The following PC variants were observed in gnomAD, a reference collection of about 807,000 sequenced individuals.
PC encodes the protein pyruvate carboxylase, also known as pyruvate carboxylase, mitochondrial.
PC carries 46 observed loss-of-function variants against 107.8 expected under a neutral mutation model. That is an observed-to-expected ratio of 0.43 (90% CI 0.34 to 0.55). PC has a LOEUF of 0.55. Among genes scored for constraint, PC ranks in the 20% least tolerant of loss-of-function variants. PC has a pLI of 0.04. For synonymous variants in PC, 662 were observed against 684.7 expected (o/e 0.97, Z 0.52); for missense variants, 1,241 against 1,643.1 (o/e 0.76, Z 4.23).
At chr11:66,903,067 TATAAC>T (rs1026461349) in intron 3 of PC, among the ~76,000 whole-genome samples, 1 of 152,140 alleles carries the variant, frequency 6.6e-6, no homozygotes, top group African/African-American at 2.4e-5. Context: ...TTCATCCGAA[TATAAC>T]AGTTCCTCCT....
intron 3 of PC, among the ~76,000 whole-genome samples, chr11:66,914,579 A>G (rs867363016): frequency 9.2e-5 from 14 of 152,288 alleles, no homozygotes; most frequent in African/African-American, 2.6e-4. Flanking sequence ...AGTCTGGCCC[A>G]TAGTAAATGC....
intron 3 of PC, among the ~76,000 whole-genome samples, chr11:66,912,906 G>A (rs1316447915): frequency 2.6e-5 from 4 of 152,076 alleles, no homozygotes; most frequent in South Asian, 2.1e-4. Flanking sequence ...CAATGTTAAC[G>A]AAGGGCTTCC....
At chr11:66,854,717 A>T (rs1357870834) in intron 12 of PC, among the ~76,000 whole-genome samples, 2 of 151,424 alleles carry the variant, frequency 1.3e-5, no homozygotes, top group African/African-American at 2.4e-5. Context: ...GGCCACCCAG[A>T]CTCCTCTGAG....
chr11:66,878,872 C>T (rs1029122937), intron 3 of PC, among the ~76,000 whole-genome samples: 1 of 152,206 alleles, frequency 6.6e-6, no homozygotes, highest in Non-Finnish European at 1.5e-5. Flanking sequence ...CACAGCCCAG[C>T]GCAGGCCCAC....
At chr11:66,882,957 G>A (rs1947236301) in intron 3 of PC, among the ~76,000 whole-genome samples, 1 of 152,222 alleles carries the variant, frequency 6.6e-6, no homozygotes. Flanking sequence ...TGGAAACAAT[G>A]CAGGTGACAG....
intron 3 of PC, among the ~76,000 whole-genome samples, chr11:66,919,401 GTGAGACTC>G (rs1948542115): frequency 6.6e-6 from 1 of 152,218 alleles, no homozygotes; most frequent in Non-Finnish European, 1.5e-5. Flanking sequence ...GGGCAACAGA[GTGAGACTC>G]TGTCTCAAAA....
chr11:66,918,529 A>C (rs1948517025), intron 3 of PC, among the ~76,000 whole-genome samples: 1 of 151,852 alleles, frequency 6.6e-6, no homozygotes, highest in Non-Finnish European at 1.5e-5. Flanking sequence ...CGCGCCACCA[A>C]GTCCAGCTAA....
intron 3 of PC, among the ~76,000 whole-genome samples, chr11:66,892,279 A>T (rs1440211282): frequency 6.6e-6 from 1 of 152,196 alleles, no homozygotes; most frequent in Non-Finnish European, 1.5e-5. Flanking sequence ...TCTCAGTTGT[A>T]AAACAGCCAG....
In PC at chr11:66,863,879, G is replaced by C; in HGVS notation, c.1263C>G (p.His421Gln). 6.2e-7 allele frequency: 1 copy of C among 1,614,148 alleles called. No individual in the cohort carries two copies. Among genetic ancestry groups the C allele is most frequent in the Non-Finnish European group, 8.5e-7 (1 of 1,180,040 alleles). ...SAFQGAVISP[H>Q]YDSLLVKVIA... is the part of the protein sequence containing the mutation. ...TGACTTTGACCAGCAGGGAGTCGTA[G>C]TGGGGCGAGATGACGGCTCCTTGGA... Residue 421 changes from histidine (H) to glutamine (Q), a missense_variant, in exon 12 of 23, where the codon CAC becomes CAG. By Grantham distance (24) the His-to-Gln change is conservative. This residue lies in a region of PC where 1,143 missense variants were observed against 1,551.9 expected (regional missense o/e 0.74). Transcript: ENST00000393960.
At chr11:66,919,217 A>C (rs563503379) in intron 3 of PC, among the ~76,000 whole-genome samples, 210 of 152,336 alleles carry the variant, frequency 1.4e-3, no homozygotes, top group Non-Finnish European at 2.5e-3. Flanking sequence ...GGAGTTCCAG[A>C]CCAGCCTGGC....
At position 66,872,056 on chromosome 11, in the gene PC, T is replaced by C. The variant is rs1357857777; in HGVS notation, c.104A>G (p.Lys35Arg). Residue 35 changes from lysine to arginine, a missense_variant, in exon 4 of 23, where the codon AAG becomes AGG. Physicochemically the swap from Lys to Arg is conservative, Grantham distance 26 (BLOSUM62 2). Around this residue, in one of 2 missense-constraint regions of PC, gnomAD observed 1,143 missense variants for 1,551.9 expected, o/e 0.74. Coordinates refer to ENST00000393960, the MANE Select transcript of PC (RefSeq NM_001040716.2). ...ASPNVRRLEYKPIKKVMVANR... is the reference protein window; with the variant it reads ...ASPNVRRLEYRPIKKVMVANR... ...GGCCACCATGACTTTCTTGATGGGC[T>C]TATACTCCAGGCGCCGGACATTTGG... 1.3e-6 allele frequency: 2 copies of C among 1,563,358 alleles called. No homozygotes were observed. The highest frequency in any genetic ancestry group is 2.4e-5 in the South Asian group (2 of 85,012).
chr11:66,955,839 C>A (rs1304869058), intron 1 of PC, among the ~76,000 whole-genome samples: 1 of 151,598 alleles, frequency 6.6e-6, no homozygotes, highest in Non-Finnish European at 1.5e-5. Flanking sequence ...GGGGCGTGAT[C>A]TCAGCTTACT....
chr11:66,954,985 T>G (rs1949526119), intron 1 of PC, among the ~76,000 whole-genome samples: 2 of 150,196 alleles, frequency 1.3e-5, no homozygotes, highest in Non-Finnish European at 3.0e-5. Context: ...GAACGAGGCC[T>G]CCAGCCCATG....
intron 3 of PC, among the ~76,000 whole-genome samples, chr11:66,883,139 C>G (rs1947243974): frequency 6.6e-6 from 1 of 152,180 alleles, no homozygotes; most frequent in South Asian, 2.1e-4. Context: ...ATCGCCCTGG[C>G]AACCCTCTAT....
rs920515971 is a variant in PC at position 66,945,466 on chromosome 11, G to A, written c.-1+6964C>T. ...GAGTTACATGAGATGAGAAGAGGAA[G>A]ACATTAGTAATGTGATACTTCTATT... is the stretch of plus-strand genomic sequence containing the variant. On this transcript the variant is annotated intron_variant, in intron 3 of 22. Coordinates refer to ENST00000393960, the MANE Select transcript of PC (RefSeq NM_001040716.2). Among the ~76,000 whole-genome samples the A allele has an allele frequency of 1.9e-5, 2 of 107,872 alleles. 1 individual carries two copies. Among genetic ancestry groups the A allele is most frequent in the East Asian group, 6.0e-4 (2 of 3,348 alleles). The allele number at this position is 107,872 out of a possible 152,430, so 70.8% of individuals were successfully genotyped here.
chr11:66,856,924 C>T (rs893414723), intron 12 of PC: 2 of 146,548 alleles, frequency 1.4e-5, no homozygotes, highest in African/African-American at 4.9e-5. Flanking sequence ...GCCCGGGCCT[C>T]GGGCGTGACT....
At chr11:66,936,284 A>G (rs1949002524) in intron 3 of PC, among the ~76,000 whole-genome samples, 1 of 151,960 alleles carries the variant, frequency 6.6e-6, no homozygotes, top group South Asian at 2.1e-4. Context: ...GGAGAGAAAA[A>G]AAGAAAAAAA....
rs1184331612 is a variant in PC at position 66,848,809 on chromosome 11, G to A, written c.*90C>T. 1 of 1,561,964 alleles carries A rather than the reference G, an allele frequency of 6.4e-7. No homozygotes were observed. Among genetic ancestry groups the A allele is most frequent in the Non-Finnish European group, 8.8e-7 (1 of 1,137,724 alleles). Reference sequence around the variant, plus strand: ...GGACCTCCACGGCCCGGCCTTCCTGGCCTCGGGCACTGGCTGGCCTGGGCC... The same window carrying A: ...GGACCTCCACGGCCCGGCCTTCCTGACCTCGGGCACTGGCTGGCCTGGGCC... On this transcript the variant is annotated 3_prime_UTR_variant, in exon 23 of 23. Coordinates refer to ENST00000393960, the MANE Select transcript of PC (RefSeq NM_001040716.2).
At chr11:66,897,407 CT>C (rs1947798750) in intron 3 of PC, among the ~76,000 whole-genome samples, 1 of 152,096 alleles carries the variant, frequency 6.6e-6, no homozygotes, top group African/African-American at 2.4e-5. Context: ...CCCGTTTCTA[CT>C]AAAAATATAA....
Sources: gnomAD v4.1 joint callset for allele counts (sites outside exome capture counted in the v4.1 genomes callset) on GRCh38, gnomAD v4.1.1 for gene constraint, gnomAD v4.1.1 regional missense constraint, MANE v1.5 for transcripts, NCBI Gene and HGNC (gene_info 2026-07-23, HGNC 2026-07-21) for gene names.